Variants in CTNNBIP1 observed in about 807,000 individuals in gnomAD.
CTNNBIP1 encodes beta-catenin-interacting protein 1.
Under a neutral mutation model 11.8 loss-of-function variants are expected in CTNNBIP1, and 7 were observed. The observed-to-expected ratio is 0.60, with a 90% CI of 0.34 to 1.12. CTNNBIP1 has a LOEUF of 1.12. Ranked by LOEUF, CTNNBIP1 falls within the 50% of genes most tolerant of loss-of-function variation. CTNNBIP1 has a pLI of 0.03. For synonymous variants in CTNNBIP1, 58 were observed against 43.9 expected (o/e 1.32, Z -1.26); for missense variants, 101 against 113.4 (o/e 0.89, Z 0.50).
chr1:9,874,160 AGAACAT>A (rs1638918594), intron 3 of CTNNBIP1, among the ~76,000 whole-genome samples: 1 of 152,076 alleles, frequency 6.6e-6, no homozygotes, highest in Non-Finnish European at 1.5e-5. Flanking sequence ...CGTCCGTTCT[AGAACAT>A]GCGGAGAAGC....
intron 5 of CTNNBIP1, among the ~76,000 whole-genome samples, chr1:9,864,504 A>G (rs1177365981): frequency 3.3e-5 from 5 of 152,154 alleles, no homozygotes; most frequent in East Asian, 1.9e-4. Flanking sequence ...AATTTTTTGT[A>G]TTTTTAGTAG....
At chr1:9,891,926 C>A (rs113907502) in intron 1 of CTNNBIP1, among the ~76,000 whole-genome samples, 3 of 151,822 alleles carry the variant, frequency 2.0e-5, no homozygotes, top group Admixed American at 6.6e-5. Context: ...CTCGGCCTCC[C>A]GAGTAGTTGG....
chr1:9,850,547 T>C lies in CTNNBIP1; in HGVS notation c.*171A>G, dbSNP rs1638358199. The C allele has an allele frequency of 4.8e-6, 3 of 621,134 alleles. No individual in the cohort carries two copies. Among genetic ancestry groups the C allele is most frequent in the Non-Finnish European group, 5.9e-6 (2 of 339,532 alleles). The allele number at this position is 621,134 out of a possible 1,614,324, so 38.5% of individuals were successfully genotyped here. On this transcript the variant is annotated 3_prime_UTR_variant, in exon 6 of 6. Coordinates refer to ENST00000377263, the MANE Select transcript of CTNNBIP1 (RefSeq NM_020248.3). The stretch of plus-strand genomic sequence containing the variant: ...CAATTATAAACGCACCACTGGTGTC[T>C]CCCTTGATGCCAGCCCCACTGAGTA...
In CTNNBIP1 at chr1:9,890,413, G is replaced by A. The variant is rs189342784; in HGVS notation, c.-143-6675C>T. 2.6e-3 allele frequency among the ~76,000 whole-genome samples: 399 copies of A among 151,668 alleles called. 1 individual carries two copies. The highest frequency in any genetic ancestry group is 5.0e-3 in the Non-Finnish European group (337 of 68,010). ...ACAGAAGAAAAGAAAGGCATCTTTC[G>A]GCTTAATTTTAAAAGAGGTTCTTTT... On this transcript the variant is annotated intron_variant, in intron 1 of 5. Transcript: ENST00000377263.
At position 9,867,889 on chromosome 1, in the gene CTNNBIP1, CAG is replaced by C. The variant is rs1390141909; in HGVS notation, c.187+3296_187+3297del. Among the ~76,000 whole-genome samples, 2 of 152,232 alleles carry C rather than the reference CAG, an allele frequency of 1.3e-5. No homozygotes were observed. The highest frequency in any genetic ancestry group is 2.9e-5 in the Non-Finnish European group (2 of 68,038). ...AGAAGGTGGGCAGGTGAGATTTTAACAGAGATCCATTTGCCCACATGGCACAG... is the reference window on the plus strand; with the variant it reads ...AGAAGGTGGGCAGGTGAGATTTTAACAGATCCATTTGCCCACATGGCACAG... On this transcript the variant is annotated intron_variant, in intron 5 of 5. Transcript: ENST00000377263. This position sits in a 1 kb window ranked among gnomAD's most constrained non-coding sequence, Gnocchi z 4.6.
At chr1:9,891,397 A>G (rs1195958049) in intron 1 of CTNNBIP1, among the ~76,000 whole-genome samples, 1 of 152,148 alleles carries the variant, frequency 6.6e-6, no homozygotes, top group East Asian at 1.9e-4. Flanking sequence ...TAAAGCCTCT[A>G]TAATTGGTTC....
intron 1 of CTNNBIP1, among the ~76,000 whole-genome samples, chr1:9,907,218 T>A (rs1264546957): frequency 6.6e-6 from 1 of 152,240 alleles, no homozygotes; most frequent in Non-Finnish European, 1.5e-5. Context: ...TCGCCCAGGC[T>A]GGAGTGCAGT....
intron 1 of CTNNBIP1, among the ~76,000 whole-genome samples, chr1:9,895,009 A>G (rs1409166506): frequency 1.4e-5 from 2 of 147,374 alleles, no homozygotes; most frequent in African/African-American, 5.1e-5. Flanking sequence ...CCAGGTTCAC[A>G]CCATTCTCCT....
In CTNNBIP1 at chr1:9,900,071, G is replaced by GA. The variant is rs747434164; in HGVS notation, c.-144+10023dup. Among the ~76,000 whole-genome samples the GA allele has an allele frequency of 4.9e-3, 597 of 121,968 alleles. 2 individuals carry two copies. The highest frequency in any genetic ancestry group is 7.5e-3 in the South Asian group (29 of 3,842). 80.0% of individuals were successfully genotyped at this position (121,968 alleles called of 152,430 possible). ...CCTGGACGACAAGACTCCGTCTCAA[G>GA]AAAAAAAAAAAAAACAATCAATAGA... On this transcript the variant is annotated intron_variant, in intron 1 of 5. Coordinates refer to ENST00000377263, the MANE Select transcript of CTNNBIP1 (RefSeq NM_020248.3).
At chr1:9,887,405 C>T (rs1367720348) in intron 1 of CTNNBIP1, among the ~76,000 whole-genome samples, 3 of 152,202 alleles carry the variant, frequency 2.0e-5, no homozygotes, top group East Asian at 3.8e-4. Flanking sequence ...ACGCATTATC[C>T]ATTTTAACTG....
chr1:9,898,903 T>C (rs956580737), intron 1 of CTNNBIP1, among the ~76,000 whole-genome samples: 2 of 152,222 alleles, frequency 1.3e-5, no homozygotes, highest in African/African-American at 4.8e-5. Flanking sequence ...TTTGTATTAT[T>C]TGTTATTGTA....
intron 1 of CTNNBIP1, among the ~76,000 whole-genome samples, chr1:9,891,508 A>C (rs1197771157): frequency 6.6e-6 from 1 of 152,168 alleles, no homozygotes; most frequent in Non-Finnish European, 1.5e-5. Flanking sequence ...TCATTAAATC[A>C]ATTGGATCGG....
At chr1:9,858,970 T>A (rs1034907732) in intron 5 of CTNNBIP1, among the ~76,000 whole-genome samples, 1 of 152,096 alleles carries the variant, frequency 6.6e-6, no homozygotes, top group Non-Finnish European at 1.5e-5. Flanking sequence ...CCTAGCATCT[T>A]AGTTCCATCT....
intron 1 of CTNNBIP1, among the ~76,000 whole-genome samples, chr1:9,886,895 C>A (rs944603671): frequency 6.6e-6 from 1 of 152,204 alleles, no homozygotes; most frequent in African/African-American, 2.4e-5. Context: ...CCCAGACTCT[C>A]AGGCCTCAGG....
At chr1:9,890,461 G>A (rs1252113665) in intron 1 of CTNNBIP1, among the ~76,000 whole-genome samples, 1 of 152,192 alleles carries the variant, frequency 6.6e-6, no homozygotes, top group Non-Finnish European at 1.5e-5. Flanking sequence ...AACAGCTGGA[G>A]CCCTGGAACC....
rs534006915 is a variant in CTNNBIP1 at position 9,910,132 on chromosome 1, G to A, written c.-181C>T. On this transcript the variant is annotated 5_prime_UTR_variant, in exon 1 of 6. Coordinates refer to ENST00000377263, the MANE Select transcript of CTNNBIP1 (RefSeq NM_020248.3). ...ACCCGGCCGGGCCGGCAGGGGCAGC[G>A]GGTCCGGCGCGCAGCGCGCGGCGGC... The A allele has an allele frequency of 6.8e-6, 1 of 146,864 alleles. No homozygotes were observed. The highest frequency in any genetic ancestry group is 2.0e-4 in the East Asian group (1 of 5,112). The allele number at this position is 146,864 out of a possible 1,614,324, so 9.1% of individuals were successfully genotyped here. A position where few individuals can be genotyped will look rare whatever the true frequency, so the allele number is the denominator to read the frequency against.
chr1:9,853,179 G>A (rs565661857), intron 5 of CTNNBIP1, among the ~76,000 whole-genome samples: 8 of 152,324 alleles, frequency 5.3e-5, no homozygotes, highest in African/African-American at 1.7e-4. Context: ...AGGAGCTGCG[G>A]CCTGTCTGTG....
rs970427782 is a variant in CTNNBIP1, at chr1:9,851,661, G to A, written c.188-885C>T. 3.3e-5 allele frequency among the ~76,000 whole-genome samples: 5 copies of A among 152,308 alleles called. No individual in the cohort carries two copies. The highest frequency in any genetic ancestry group is 9.6e-5 in the African/African-American group (4 of 41,572). ...GCTGGGATTATAGGCAGGAGCCACC[G>A]TGCCCAGCCAATCCTTCTTTTTCTT... On this transcript the variant is annotated intron_variant, in intron 5 of 5. Coordinates refer to ENST00000377263, the MANE Select transcript of CTNNBIP1 (RefSeq NM_020248.3). The surrounding 1 kb of genome is among the most constrained non-coding windows in gnomAD (Gnocchi z 4.8).
chr1:9,853,812 A>G (rs908558701), intron 5 of CTNNBIP1, among the ~76,000 whole-genome samples: 1 of 152,220 alleles, frequency 6.6e-6, no homozygotes, highest in African/African-American at 2.4e-5. Context: ...AGATAAGGAT[A>G]GCCAAAACCC....
Sources: allele counts gnomAD v4.1 joint callset (sites outside exome capture counted in the v4.1 genomes callset), GRCh38; gene constraint gnomAD v4.1.1; non-coding constraint Gnocchi (gnomAD v3.1); transcripts MANE v1.5; gene names NCBI Gene and HGNC (gene_info 2026-07-23, HGNC 2026-07-21).